NUBPL: variants seen among roughly 807,000 people sequenced by gnomAD.
NUBPL encodes iron-sulfur cluster transfer protein NUBPL.
NUBPL carries 31 observed loss-of-function variants against 45.7 expected under a neutral mutation model. The observed-to-expected ratio is 0.68, with a 90% CI of 0.51 to 0.92. The LOEUF (loss-of-function observed/expected upper bound fraction) is 0.92, where lower values mean the gene tolerates loss of function less well. NUBPL is among the 40% of genes least tolerant of loss of function. The pLI, the probability that NUBPL is intolerant of heterozygous loss-of-function variation, is 0.00. For missense variants in NUBPL, 401 were observed against 398.7 expected, an observed-to-expected ratio of 1.01 and a Z score of -0.05; for synonymous variants, 144 against 140.9, an observed-to-expected ratio of 1.02 and a Z score of -0.15.
intron 6 of NUBPL, among the ~76,000 whole-genome samples, chr14:31,760,903 G>T (rs778054708): frequency 1.3e-5 from 2 of 151,356 alleles, no homozygotes; most frequent in African/African-American, 2.4e-5. Context: ...CAGTGGTGTA[G>T]TTATGGCACA....
chr14:31,743,638 C>G (rs34394545), intron 6 of NUBPL, among the ~76,000 whole-genome samples: 5 of 151,970 alleles, frequency 3.3e-5, no homozygotes, highest in Admixed American at 3.3e-4. Flanking sequence ...CACTGGCCTC[C>G]GAAAGTGCTG....
At chr14:31,786,965 C>T (rs770989339) in intron 6 of NUBPL, among the ~76,000 whole-genome samples, 14 of 152,288 alleles carry the variant, frequency 9.2e-5, no homozygotes, top group Middle Eastern at 3.4e-3. Context: ...TTAATAATAA[C>T]AGATGGTGGT....
Position 31,658,659 on chromosome 14 carries a change from C to A in NUBPL, c.383-14696C>A, listed in dbSNP as rs574595532. Among the ~76,000 whole-genome samples, 4 of 151,952 alleles carry A rather than the reference C, an allele frequency of 2.6e-5. No homozygotes were observed. In the East Asian group the frequency reaches 7.7e-4, roughly 29 times the overall value. On this transcript the variant is annotated intron_variant, in intron 4 of 10. Coordinates refer to ENST00000281081, the MANE Select transcript of NUBPL (RefSeq NM_025152.3). ...TCCTGAGTAGCTGGGACTTCAGGCA[C>A]GCGCTACCATGCCGGCTAATCTTTG...
intron 6 of NUBPL, among the ~76,000 whole-genome samples, chr14:31,784,398 A>C (rs192193799): frequency 3.5e-4 from 53 of 152,330 alleles, no homozygotes; most frequent in African/African-American, 1.2e-3. Context: ...AGGGAAGTTA[A>C]TGTATAAGGA....
chr14:31,609,897 A>AC (rs1372189202), intron 4 of NUBPL, among the ~76,000 whole-genome samples: 1 of 152,172 alleles, frequency 6.6e-6, no homozygotes. Context: ...AACATACCAA[A>AC]CCCTGTGGGA....
At chr14:31,745,641 GTTACT>G (rs1263198723) in intron 6 of NUBPL, among the ~76,000 whole-genome samples, 1 of 151,892 alleles carries the variant, frequency 6.6e-6, no homozygotes, top group Non-Finnish European at 1.5e-5. Context: ...TTTGTATCCT[GTTACT>G]TTACTGAGTT....
chr14:31,806,023 CT>C (rs1256668137), intron 7 of NUBPL, among the ~76,000 whole-genome samples: 1 of 152,108 alleles, frequency 6.6e-6, no homozygotes, highest in East Asian at 1.9e-4. Flanking sequence ...CAGGTTCTTA[CT>C]AAAAACCACT....
At chr14:31,584,319 CT>C (rs1231246939) in intron 3 of NUBPL, among the ~76,000 whole-genome samples, 2 of 151,996 alleles carry the variant, frequency 1.3e-5, no homozygotes, top group African/African-American at 4.8e-5. Flanking sequence ...GAGATGGGTT[CT>C]TATTATATTG....
At chr14:31,700,703 A>C (rs2037314013) in intron 6 of NUBPL, among the ~76,000 whole-genome samples, 1 of 151,960 alleles carries the variant, frequency 6.6e-6, no homozygotes, top group Non-Finnish European at 1.5e-5. Flanking sequence ...GCAGCTGTGG[A>C]GGGTGCGCTG....
intron 7 of NUBPL, among the ~76,000 whole-genome samples, chr14:31,810,302 T>C (rs947797947): frequency 3.9e-5 from 6 of 152,224 alleles, no homozygotes; most frequent in African/African-American, 1.4e-4. Flanking sequence ...TGGGTGCTCC[T>C]GTATTGGGTG....
At chr14:31,583,911 G>T (rs77334655) in intron 3 of NUBPL, among the ~76,000 whole-genome samples, 5,005 of 152,230 alleles carry the variant, frequency 0.033, 256 homozygotes, top group African/African-American at 0.11. Context: ...CAACTGAGTT[G>T]ATGTTAGATA....
At chr14:31,762,704 T>G (rs559316649) in intron 6 of NUBPL, among the ~76,000 whole-genome samples, 1 of 152,350 alleles carries the variant, frequency 6.6e-6, no homozygotes, top group Non-Finnish European at 1.5e-5. Context: ...TTGTTGCTCC[T>G]GCACATTGGG....
intron 7 of NUBPL, among the ~76,000 whole-genome samples, chr14:31,808,582 C>T (rs1000823044): frequency 6.6e-6 from 1 of 152,164 alleles, no homozygotes; most frequent in African/African-American, 2.4e-5. Context: ...AACTGGACTT[C>T]CTCTTTTCCT....
chr14:31,707,377 T>G (rs1380442151), intron 6 of NUBPL, among the ~76,000 whole-genome samples: 2 of 152,268 alleles, frequency 1.3e-5, no homozygotes. Context: ...CACTGTTTTT[T>G]CTTTACTACT....
intron 4 of NUBPL, among the ~76,000 whole-genome samples, chr14:31,636,516 A>G (rs1425275849): frequency 1.3e-5 from 2 of 152,244 alleles, no homozygotes; most frequent in African/African-American, 2.4e-5. Flanking sequence ...GGATTTTTGC[A>G]TCAATGTTCA....
At chr14:31,611,644 G>A (rs2034761183) in intron 4 of NUBPL, among the ~76,000 whole-genome samples, 1 of 152,120 alleles carries the variant, frequency 6.6e-6, no homozygotes. Context: ...CAAAACTGGA[G>A]GGATCACATT....
intron 6 of NUBPL, among the ~76,000 whole-genome samples, chr14:31,675,073 C>A (rs990922317): frequency 6.6e-6 from 1 of 150,696 alleles, no homozygotes; most frequent in Admixed American, 6.6e-5. Flanking sequence ...GGAGGCGGAG[C>A]TTGCAGTGAG....
At chr14:31,697,220 T>G (rs1464877409) in intron 6 of NUBPL, among the ~76,000 whole-genome samples, 2 of 152,206 alleles carry the variant, frequency 1.3e-5, no homozygotes, top group Non-Finnish European at 2.9e-5. Context: ...AAAGCTGGCT[T>G]GTTTATAAGA....
chr14:31,657,822 T>C (rs1262635712), intron 4 of NUBPL, among the ~76,000 whole-genome samples: 3 of 152,194 alleles, frequency 2.0e-5, no homozygotes, highest in African/African-American at 7.2e-5. Flanking sequence ...TTCCTTGTAC[T>C]TGTAGCTTAC....
Sources: gnomAD v4.1 joint callset for allele counts (sites outside exome capture counted in the v4.1 genomes callset) on GRCh38, gnomAD v4.1.1 for gene constraint, MANE v1.5 for transcripts, NCBI Gene and HGNC (gene_info 2026-07-23, HGNC 2026-07-21) for gene names.